PPP2R5A: variants seen among roughly 807,000 people sequenced by gnomAD.
PPP2R5A encodes the protein serine/threonine-protein phosphatase 2A 56 kDa regulatory subunit alpha isoform.
Under a neutral mutation model 64.2 loss-of-function variants are expected in PPP2R5A, and 25 were observed. The ratio of observed to expected loss-of-function variants is 0.39; its 90% CI spans 0.28 to 0.54. The LOEUF is 0.54. PPP2R5A is among the 20% of genes least tolerant of loss of function. The pLI is 0.67. For missense variants in PPP2R5A, 425 were observed against 576.3 expected, an observed-to-expected ratio of 0.74 and a Z score of 2.69; for synonymous variants, 198 against 201.2, an observed-to-expected ratio of 0.98 and a Z score of 0.13.
intron 4 of PPP2R5A, 29 bp downstream of exon 4, chr1:212,342,309 A>G: frequency 1.2e-6 from 2 of 1,601,164 alleles, no homozygotes; most frequent in Non-Finnish European, 1.7e-6. Flanking sequence ...TTAGATTCTC[A>G]TATATTCATC....
intron 1 of PPP2R5A, among the ~76,000 whole-genome samples, chr1:212,324,650 G>C (rs1571594697): frequency 6.6e-6 from 1 of 151,240 alleles, no homozygotes; most frequent in Non-Finnish European, 1.5e-5. Context: ...TGTCCCCCAG[G>C]CTGGAGTGCA....
chr1:212,360,714 A>G lies in PPP2R5A; in HGVS notation c.1405A>G (p.Lys469Glu). The G allele has an allele frequency of 6.2e-7, 1 of 1,602,832 alleles. No homozygotes were observed. The highest frequency in any genetic ancestry group is 8.5e-7 in the Non-Finnish European group (1 of 1,175,348). Reference sequence around the variant, plus strand: ...GCTAAAGCTAAAGAAAGCTCTAGAAAAACAGAATAGTGCTTACAACATGCA... The same window carrying G: ...GCTAAAGCTAAAGAAAGCTCTAGAAGAACAGAATAGTGCTTACAACATGCA... ...EELKLKKALE[K>E]QNSAYNMHSI... Residue 469 changes from lysine to glutamate, a missense_variant, in exon 13 of 13, where the codon AAA becomes GAA. Around this residue, in one of 4 missense-constraint regions of PPP2R5A, gnomAD observed 177 missense variants for 244.8 expected, o/e 0.72. Transcript: ENST00000261461.
intron 1 of PPP2R5A, among the ~76,000 whole-genome samples, chr1:212,324,166 T>A (rs1432913536): frequency 4.6e-5 from 7 of 152,202 alleles, no homozygotes; most frequent in Admixed American, 3.9e-4. Context: ...TAGACAAATT[T>A]GTCATTGTGC....
At chr1:212,321,222 C>G (rs1214907870) in intron 1 of PPP2R5A, among the ~76,000 whole-genome samples, 1 of 142,386 alleles carries the variant, frequency 7.0e-6, no homozygotes, top group Non-Finnish European at 1.5e-5. Flanking sequence ...CCAGACGGGG[C>G]GGCTGGCCGG....
intron 1 of PPP2R5A, among the ~76,000 whole-genome samples, chr1:212,310,141 TC>T (rs1030598689): frequency 2.6e-4 from 39 of 152,360 alleles, no homozygotes; most frequent in African/African-American, 9.1e-4. Context: ...CCATTGATTT[TC>T]AGCTGATTGC....
rs759946224 is a variant in PPP2R5A, at chr1:212,286,115, C to T, written c.5C>T (p.Ser2Leu). The T allele has an allele frequency of 2.6e-6, 4 of 1,567,546 alleles. No homozygotes were observed. The African/African-American group carries it at 5.5e-5, about 21-fold the overall frequency. The stretch of plus-strand genomic sequence containing the variant: ...CCAAGCGTCAGGGCCGCGGAGATGT[C>T]GTCGTCGTCGCCGCCGGCGGGGGCT... The part of the protein sequence containing the change: M[S>L]SSSPPAGAAS... Residue 2 changes from serine (S) to leucine (L), a missense_variant, in exon 1 of 13, where the codon TCG becomes TTG. Physicochemically the swap from Ser to Leu is moderately radical, Grantham distance 145. Transcript: ENST00000261461.
At chr1:212,356,532 A>C in intron 8 of PPP2R5A, 94 bp from the exon 9 acceptor site, 1 of 1,158,678 alleles carries the variant, frequency 8.6e-7, no homozygotes, top group Non-Finnish European at 1.2e-6. Flanking sequence ...GATTTACTTC[A>C]GAATGAGTGT....
intron 1 of PPP2R5A, among the ~76,000 whole-genome samples, chr1:212,311,549 AT>A (rs1659033626): frequency 1.3e-5 from 2 of 152,058 alleles, no homozygotes; most frequent in African/African-American, 4.8e-5. Flanking sequence ...TTATGTATTT[AT>A]TATACTATTT....
rs190081112 is a variant in PPP2R5A, at chr1:212,327,498, C to T, written c.182-1637C>T. Among the ~76,000 whole-genome samples, 351 of 152,148 alleles carry T rather than the reference C, an allele frequency of 2.3e-3. 3 individuals carry two copies. Among genetic ancestry groups the T allele is most frequent in the Middle Eastern group, 0.017 (5 of 294 alleles). ...GGCGCTATCTCGGCTCATTGCAACC[C>T]CCACCTCCTGCGTTCCAGTGATTCT... On this transcript the variant is annotated intron_variant, in intron 1 of 12. Coordinates refer to ENST00000261461, the MANE Select transcript of PPP2R5A (RefSeq NM_006243.4).
chr1:212,358,830 G>T (rs776283815), intron 12 of PPP2R5A, 43 bp downstream of exon 12: 3 of 1,492,994 alleles, frequency 2.0e-6, no homozygotes, highest in South Asian at 2.3e-5. Flanking sequence ...TACATTTTAT[G>T]TTAGTTGAAT....
In PPP2R5A at chr1:212,315,365, C is replaced by CA. The variant is rs1659126508; in HGVS notation, c.182-13769dup. ...TTACTGTCTATTGAGAGTGTACTAA[C>CA]ATCCCTGTGTGGTTGAGAATGAGGT... On this transcript the variant is annotated intron_variant, in intron 1 of 12. Transcript: ENST00000261461. 8.5e-5 allele frequency among the ~76,000 whole-genome samples: 13 copies of CA among 152,294 alleles called. No homozygotes were observed. The South Asian group carries it at 2.7e-3, about 32-fold the overall frequency.
intron 1 of PPP2R5A, among the ~76,000 whole-genome samples, chr1:212,305,461 A>T (rs1482775055): frequency 6.6e-6 from 1 of 151,866 alleles, no homozygotes; most frequent in Non-Finnish European, 1.5e-5. Flanking sequence ...TTCCTGGTGG[A>T]TGTACCATGT....
intron 4 of PPP2R5A, among the ~76,000 whole-genome samples, chr1:212,343,422 T>C (rs1659721155): frequency 6.6e-6 from 1 of 152,198 alleles, no homozygotes; most frequent in Non-Finnish European, 1.5e-5. Flanking sequence ...CAGACCGCTT[T>C]GTATGTGCCC....
intron 1 of PPP2R5A, among the ~76,000 whole-genome samples, chr1:212,327,853 T>C (rs1259230807): frequency 6.7e-6 from 1 of 149,338 alleles, no homozygotes; most frequent in Non-Finnish European, 1.5e-5. Flanking sequence ...TTGTCTCTGT[T>C]GCCCAGGCTG....
chr1:212,303,211 G>T (rs1319024801), intron 1 of PPP2R5A, among the ~76,000 whole-genome samples: 1 of 152,254 alleles, frequency 6.6e-6, no homozygotes, highest in East Asian at 1.9e-4. Flanking sequence ...CCCACTTGTG[G>T]TATGTGAGGA....
intron 1 of PPP2R5A, among the ~76,000 whole-genome samples, chr1:212,315,817 C>G (rs1659139839): frequency 6.6e-6 from 1 of 152,006 alleles, no homozygotes; most frequent in Admixed American, 6.6e-5. Flanking sequence ...GTCTGTTGGT[C>G]CCATTTTTCC....
chr1:212,305,714 A>G (rs542521904), intron 1 of PPP2R5A, among the ~76,000 whole-genome samples: 114 of 151,934 alleles, frequency 7.5e-4, no homozygotes, highest in African/African-American at 2.6e-3. Flanking sequence ...TTCTTCATAT[A>G]TTTTGGTACT....
intron 5 of PPP2R5A, among the ~76,000 whole-genome samples, 199 bp from the exon 6 acceptor site, chr1:212,347,148 T>C (rs531608261): frequency 1.5e-4 from 23 of 152,346 alleles, no homozygotes; most frequent in African/African-American, 4.8e-4. Flanking sequence ...CAAAGGCATA[T>C]GTAGTTCAGT....
intron 3 of PPP2R5A, among the ~76,000 whole-genome samples, chr1:212,340,470 G>A (rs1015500441): frequency 2.0e-5 from 3 of 152,166 alleles, no homozygotes; most frequent in African/African-American, 4.8e-5. Context: ...AAGTTGTGCC[G>A]TTAATGAAAC....
Sources: gnomAD v4.1 joint callset for allele counts (sites outside exome capture counted in the v4.1 genomes callset) on GRCh38, gnomAD v4.1.1 for gene constraint, gnomAD v4.1.1 regional missense constraint, MANE v1.5 for transcripts, NCBI Gene and HGNC (gene_info 2026-07-23, HGNC 2026-07-21) for gene names.